The following ABTB3 variants were observed in gnomAD, a reference collection of about 807,000 sequenced individuals.
ABTB3 encodes the protein ankyrin repeat- and BTB/POZ domain-containing protein 3.
chr12:107,482,913 C>CTTCTTTCTTTCT, the ABTB3 span, among the ~76,000 whole-genome samples: 8 of 118,064 alleles, frequency 6.8e-5, no homozygotes, highest in East Asian at 2.5e-4. Context: ...TCTCTTTCTT[C>CTTCTTTCTTTCT]TTCTTTCTTT....
chr12:107,379,621 C>G, the ABTB3 span, among the ~76,000 whole-genome samples: 197 of 152,202 alleles, frequency 1.3e-3, no homozygotes, highest in Middle Eastern at 6.8e-3. Context: ...GAAAATGGAC[C>G]AATACACCAG....
At chr12:107,447,043 C>T in the ABTB3 span, among the ~76,000 whole-genome samples, 1 of 152,188 alleles carries the variant, frequency 6.6e-6, no homozygotes, top group Non-Finnish European at 1.5e-5. Context: ...GACACTTTTC[C>T]AGAGCAGTCG....
chr12:107,509,998 C>T, the ABTB3 span, among the ~76,000 whole-genome samples: 3 of 152,156 alleles, frequency 2.0e-5, no homozygotes, highest in Admixed American at 2.0e-4. Context: ...ATTATAGCCT[C>T]CCAGCCATGC....
chr12:107,493,505 G>T, the ABTB3 span, among the ~76,000 whole-genome samples: 2 of 152,112 alleles, frequency 1.3e-5, no homozygotes, highest in African/African-American at 2.4e-5. Context: ...CTCTTTCACG[G>T]GAAAGAAAAG....
At chr12:107,535,969 G>A in the ABTB3 span, among the ~76,000 whole-genome samples, 1 of 151,878 alleles carries the variant, frequency 6.6e-6, no homozygotes, top group South Asian at 2.1e-4. Flanking sequence ...AAAAGAGGAG[G>A]CATCATACTA....
the ABTB3 span, among the ~76,000 whole-genome samples, chr12:107,490,048 T>C: frequency 6.6e-6 from 1 of 152,186 alleles, no homozygotes; most frequent in African/African-American, 2.4e-5. Context: ...AATTAGGGAA[T>C]AATAGGCCCA....
At chr12:107,362,825 A>C in the ABTB3 span, among the ~76,000 whole-genome samples, 1 of 152,086 alleles carries the variant, frequency 6.6e-6, no homozygotes, top group Non-Finnish European at 1.5e-5. Context: ...TGTACTGAGC[A>C]CTACGCTAGA....
chr12:107,495,005 A>T, the ABTB3 span, among the ~76,000 whole-genome samples: 1 of 152,202 alleles, frequency 6.6e-6, no homozygotes, highest in Non-Finnish European at 1.5e-5. Flanking sequence ...AGGGAAATGC[A>T]GGTATAGGGA....
the ABTB3 span, among the ~76,000 whole-genome samples, chr12:107,376,380 A>G: frequency 6.6e-6 from 1 of 152,222 alleles, no homozygotes; most frequent in Non-Finnish European, 1.5e-5. Flanking sequence ...GGATGAATGA[A>G]TGAATTTGCA....
At chr12:107,581,029 G>C in the ABTB3 span, 25 of 1,551,824 alleles carry the variant, frequency 1.6e-5, no homozygotes, top group Admixed American at 4.3e-4. Context: ...AGGGAAAGCG[G>C]GGTGTGGGCT....
At chr12:107,360,879 G>C in the ABTB3 span, among the ~76,000 whole-genome samples, 3 of 150,796 alleles carry the variant, frequency 2.0e-5, no homozygotes, top group South Asian at 4.2e-4. Context: ...TCAGCCTCCT[G>C]AGTAGCTGGG....
At chr12:107,356,204 G>A in the ABTB3 span, among the ~76,000 whole-genome samples, 34 of 152,292 alleles carry the variant, frequency 2.2e-4, no homozygotes, top group African/African-American at 6.5e-4. Flanking sequence ...TTATGGGTTC[G>A]TCATAGGTAG....
At chr12:107,402,438 C>T in the ABTB3 span, among the ~76,000 whole-genome samples, 1 of 152,184 alleles carries the variant, frequency 6.6e-6, no homozygotes, top group African/African-American at 2.4e-5. Context: ...GTCCTCCTGA[C>T]AGCTGCCTCC....
chr12:107,531,415 T>A, the ABTB3 span, among the ~76,000 whole-genome samples: 152 of 152,312 alleles, frequency 1.0e-3, no homozygotes, highest in Non-Finnish European at 1.8e-3. Flanking sequence ...TTATTAGTAA[T>A]AGTGGTAATA....
At chr12:107,568,697 G>A in the ABTB3 span, among the ~76,000 whole-genome samples, 43 of 152,240 alleles carry the variant, frequency 2.8e-4, no homozygotes, top group East Asian at 1.9e-4. Context: ...AGCTACCCTC[G>A]TGGGCTTTTT....
chr12:107,331,456 G>A, the ABTB3 span, among the ~76,000 whole-genome samples: 1 of 152,226 alleles, frequency 6.6e-6, no homozygotes, highest in Admixed American at 6.5e-5. Flanking sequence ...TTAGACTGCG[G>A]GGTGAGGTCC....
the ABTB3 span, among the ~76,000 whole-genome samples, chr12:107,505,675 T>C: frequency 6.6e-6 from 1 of 152,096 alleles, no homozygotes; most frequent in Non-Finnish European, 1.5e-5. Context: ...CCTGAGCCTC[T>C]CCTTCCTCCC....
the ABTB3 span, among the ~76,000 whole-genome samples, chr12:107,397,285 T>C: frequency 2.6e-5 from 4 of 152,238 alleles, no homozygotes; most frequent in Admixed American, 6.5e-5. Flanking sequence ...TTGGTATTAT[T>C]AGACTTTTCA....
At chr12:107,482,914 T>TTTCTCTCTTTCTCTCTTTCTC in the ABTB3 span, among the ~76,000 whole-genome samples, 6 of 43,256 alleles carry the variant, frequency 1.4e-4, no homozygotes, top group African/African-American at 8.1e-4. Context: ...CTCTTTCTTC[T>TTTCTCTCTTTCTCTCTTTCTC]TCTTTCTTTC....
Sources: gnomAD v4.1 joint callset for allele counts (sites outside exome capture counted in the v4.1 genomes callset) on GRCh38, gnomAD v4.1.1 for gene constraint, MANE v1.5 for transcripts, NCBI Gene and HGNC (gene_info 2026-07-23, HGNC 2026-07-21) for gene names.